The following SLC17A2 variants were observed in gnomAD, a reference collection of about 807,000 sequenced individuals.
The protein encoded by SLC17A2 is sodium-dependent phosphate transport protein 3.
Under a neutral mutation model 52.1 loss-of-function variants are expected in SLC17A2, and 38 were observed. The observed-to-expected ratio is 0.73, with a 90% CI of 0.56 to 0.96. The LOEUF (loss-of-function observed/expected upper bound fraction) is 0.96. Ranked by LOEUF, SLC17A2 falls within the 40% of genes least tolerant of loss-of-function variation. The pLI, the probability that SLC17A2 is intolerant of heterozygous loss-of-function variation, is 0.00. For synonymous variants in SLC17A2, 226 were observed against 211.9 expected (o/e 1.07, Z -0.58); for missense variants, 508 against 583.9 (o/e 0.87, Z 1.34).
At chr6:25,922,358 GA>G in intron 3 of SLC17A2, among the ~76,000 whole-genome samples, 1 of 152,164 alleles carries the variant, frequency 6.6e-6, no homozygotes, top group Non-Finnish European at 1.5e-5. Context: ...TATCTCATCG[GA>G]AAAAATAGCA....
intron 1 of SLC17A2, among the ~76,000 whole-genome samples, chr6:25,929,689 G>T (rs111837901): frequency 0.02 from 3,050 of 152,238 alleles, 54 homozygotes; most frequent in African/African-American, 0.054. Flanking sequence ...ATGTCCCTGG[G>T]TGCCTTTTCT....
At chr6:25,925,495 A>T (rs1006034281) in intron 2 of SLC17A2, among the ~76,000 whole-genome samples, 1 of 148,236 alleles carries the variant, frequency 6.7e-6, no homozygotes, top group African/African-American at 2.5e-5. Flanking sequence ...CCTGTGAGAC[A>T]GAGCAAGACT....
Position 25,923,906 on chromosome 6 carries a change from C to T in SLC17A2, c.29G>A (p.Gly10Asp), listed in dbSNP as rs111909699. 11,954 of 1,613,162 alleles carry T rather than the reference C, an allele frequency of 7.4e-3. 157 individuals are homozygous for T. Among genetic ancestry groups the T allele is most frequent in the South Asian group, 0.031 (2,830 of 91,066 alleles). ...ATAGCGTAATGAACAGAAATCTGGACCTAGACAACAACACAGATGTATGTA... is the reference window on the plus strand; with the variant it reads ...ATAGCGTAATGAACAGAAATCTGGATCTAGACAACAACACAGATGTATGTA... MDGKPATRK[G>D]PDFCSLRYGL... The change falls in exon 3 of 12, where the codon GGT becomes GAT. Residue 10 changes from glycine to aspartate, a missense_variant and splice_region_variant. Gly to Asp is a moderately conservative substitution (Grantham distance 94). Coordinates refer to ENST00000377850, the MANE Select transcript of SLC17A2 (RefSeq NM_001286123.3).
Sources: allele counts gnomAD v4.1 joint callset (sites outside exome capture counted in the v4.1 genomes callset), GRCh38; gene constraint gnomAD v4.1.1; transcripts MANE v1.5; gene names NCBI Gene and HGNC (gene_info 2026-07-23, HGNC 2026-07-21).